KMT2A: variants seen among roughly 807,000 people sequenced by gnomAD.
KMT2A encodes the protein lysine methyltransferase 2A.
A neutral mutation model predicts 345.3 loss-of-function variants in KMT2A; 16 were observed. That is an observed-to-expected ratio of 0.05 (90% confidence interval 0.03 to 0.07). The LOEUF is 0.07. Ranked by LOEUF, KMT2A falls within the 10% of genes least tolerant of loss-of-function variation. The probability of loss-of-function intolerance (pLI) is 1.00; values close to 1 mark genes in which losing one functional copy is unlikely to be tolerated. For synonymous variants in KMT2A, 1,599 were observed against 1,778.6 expected, an observed-to-expected ratio of 0.90 and a Z score of 2.54; for missense variants, 3,272 against 4,841.6, an observed-to-expected ratio of 0.68 and a Z score of 9.62.
intron 1 of KMT2A, among the ~76,000 whole-genome samples, chr11:118,465,446 C>T (rs1949826216): frequency 6.6e-6 from 1 of 152,088 alleles, no homozygotes; most frequent in Non-Finnish European, 1.5e-5. Context: ...TCTTTTAATT[C>T]CATTTTCCAT....
At chr11:118,465,983 T>C (rs945672640) in intron 1 of KMT2A, among the ~76,000 whole-genome samples, 6 of 152,290 alleles carry the variant, frequency 3.9e-5, no homozygotes, top group Non-Finnish European at 5.9e-5. Context: ...AGAAATTTAT[T>C]TGGGGTTCAG....
rs2134395861 is a variant in KMT2A, at chr11:118,503,893, G to A, written c.8001G>A (p.Gln2667=). ...GAGGCAAGAGATCAGCTGAAGGACAGGTGGATGGGGCCGATGACTTAAGCA... is the reference window on the plus strand; with the variant it reads ...GAGGCAAGAGATCAGCTGAAGGACAAGTGGATGGGGCCGATGACTTAAGCA... The part of the protein sequence containing the change: ...KKRGKRSAEG[Q]VDGADDLSTS... Residue 2667 remains glutamine, a synonymous_variant, in exon 27 of 36, where the codon CAG becomes CAA. Transcript: ENST00000534358. This position sits in a 1 kb window ranked among gnomAD's most constrained non-coding sequence, Gnocchi z 5.3. 1 of 1,614,224 alleles carries A rather than the reference G, an allele frequency of 6.2e-7. No homozygotes were observed. Among genetic ancestry groups the A allele is most frequent in the Non-Finnish European group, 8.5e-7 (1 of 1,180,044 alleles).
chr11:118,471,935 C>A lies in KMT2A; in HGVS notation c.776C>A (p.Thr259Lys). The change falls in exon 3 of 36, where the codon ACA (threonine) becomes AAA (lysine). Residue 259 changes from threonine (T) to lysine (K), a missense_variant. By Grantham distance (78) the Thr-to-Lys change is moderately conservative. Transcript: ENST00000534358. ...KEDSLKKIKR[T>K]PSATFQQATK... The stretch of plus-strand genomic sequence containing the variant: ...GATAGCCTGAAAAAAATTAAAAGGA[C>A]ACCTTCTGCTACGTTTCAGCAAGCC... 2 of 1,614,092 alleles carry A rather than the reference C, an allele frequency of 1.2e-6. No individual in the cohort carries two copies. Among genetic ancestry groups the A allele is most frequent in the South Asian group, 2.2e-5 (2 of 91,058 alleles).
At chr11:118,458,334 C>A in intron 1 of KMT2A, 1 of 180,868 alleles carries the variant, frequency 5.5e-6, no homozygotes, top group Non-Finnish European at 1.2e-5. Flanking sequence ...AGCCATCCTC[C>A]CTCCTCGGCC....
chr11:118,505,879 C>T lies in KMT2A; in HGVS notation c.9987C>T (p.Leu3329=), dbSNP rs2134409217. The change falls in exon 27 of 36, where the codon CTC becomes CTT. Residue 3329 remains leucine, a synonymous_variant. Coordinates refer to ENST00000534358, the MANE Select transcript of KMT2A (RefSeq NM_001197104.2). The surrounding 1 kb of genome is among the most constrained non-coding windows in gnomAD (Gnocchi z 4.6). The part of the protein sequence containing the change: ...TSTISQDTSH[L]TSGSVSGLAS... ...CAATAAGCCAGGATACTAGCCACCT[C>T]ACATCAGGGTCTGTGTCTGGCTTGG... The T allele has an allele frequency of 6.2e-7, 1 of 1,614,208 alleles. No individual in the cohort carries two copies. Among genetic ancestry groups the T allele is most frequent in the East Asian group, 2.2e-5 (1 of 44,876 alleles).
chr11:118,437,286 C>T (rs1949209206), intron 1 of KMT2A, among the ~76,000 whole-genome samples: 1 of 151,772 alleles, frequency 6.6e-6, no homozygotes, highest in South Asian at 2.1e-4. Context: ...AGCAAGATTC[C>T]TCCCTCCCTC....
At position 118,472,642 on chromosome 11, in the gene KMT2A, G is replaced by A. The variant is rs377688685; in HGVS notation, c.1483G>A (p.Glu495Lys). Residue 495 changes from glutamate to lysine, a missense_variant, in exon 3 of 36, where the codon GAG (glutamate) becomes AAG (lysine). Transcript: ENST00000534358. Reference protein sequence around the residue: ...DTSTDSQASEEIQVLPEERSD... With the variant: ...DTSTDSQASEKIQVLPEERSD... ...CTCCACAGACTCTCAGGCTTCTGAG[G>A]AGATTCAGGTACTTCCTGAGGAGCG... 4 of 1,612,612 alleles carry A rather than the reference G, an allele frequency of 2.5e-6. No homozygotes were observed. The highest frequency in any genetic ancestry group is 3.4e-6 in the Non-Finnish European group (4 of 1,179,832).
chr11:118,484,222 A>G lies in KMT2A; in HGVS notation c.4126A>G (p.Thr1376Ala). The change falls in exon 9 of 36, where the codon ACT becomes GCT. Residue 1376 changes from threonine (T) to alanine (A), a missense_variant. By Grantham distance (58) the Thr-to-Ala change is moderately conservative. Around this residue, in one of 27 missense-constraint regions of KMT2A, gnomAD observed 168 missense variants for 216.0 expected, o/e 0.78. Transcript: ENST00000534358. The surrounding 1 kb of genome is among the most constrained non-coding windows in gnomAD (Gnocchi z 4.1). Reference protein sequence around the residue: ...PPVNKQENAGTLNILSTLSNG... With the variant: ...PPVNKQENAGALNILSTLSNG... Reference sequence around the variant, plus strand: ...GGTCAATAAGCAGGAGAATGCAGGCACTTTGAACATCCTCAGCACTCTCTC... The same window carrying G: ...GGTCAATAAGCAGGAGAATGCAGGCGCTTTGAACATCCTCAGCACTCTCTC... 1 of 1,614,200 alleles carries G rather than the reference A, an allele frequency of 6.2e-7. No individual in the cohort carries two copies. The highest frequency in any genetic ancestry group is 8.5e-7 in the Non-Finnish European group (1 of 1,180,018).
rs782665812 is a variant in KMT2A at position 118,498,112 on chromosome 11, T to C, written c.5802+39T>C. 6.2e-7 allele frequency: 1 copy of C among 1,604,526 alleles called. No homozygotes were observed. Among genetic ancestry groups the C allele is most frequent in the Non-Finnish European group, 8.5e-7 (1 of 1,172,966 alleles). On this transcript the variant is annotated intron_variant, in intron 21 of 35. Coordinates refer to ENST00000534358, the MANE Select transcript of KMT2A (RefSeq NM_001197104.2). The surrounding 1 kb of genome is among the most constrained non-coding windows in gnomAD (Gnocchi z 4.4). ...GGTAAATTTTATGAAAGAGATTCCC[T>C]CTCAGTTTCCAGATATTCTTCCTGT...
intron 3 of KMT2A, 88 bp downstream of exon 3, chr11:118,474,403 C>T (rs1259479454): frequency 9.6e-6 from 14 of 1,458,078 alleles, no homozygotes; most frequent in Non-Finnish European, 1.2e-5. Context: ...TCAATTACAT[C>T]CAGTTATGAG....
Position 118,502,834 on chromosome 11 carries a change from G to A in KMT2A, c.6942G>A (p.Leu2314=), listed in dbSNP as rs1555046264. 5.6e-6 allele frequency: 9 copies of A among 1,614,198 alleles called. No individual in the cohort carries two copies. The Admixed American group carries it at 1.0e-4, about 18-fold the overall frequency. ...TAAAGGGAGAGAAGACCAAAGTGCT[G>A]AGTTCCAAGAGCTCAGAGGGATCTG... is the stretch of plus-strand genomic sequence containing the variant. ...SSLKGEKTKV[L]SSKSSEGSAH... is the part of the protein sequence containing the mutation. The change falls in exon 27 of 36, where the codon CTG becomes CTA. Residue 2314 remains leucine, a synonymous_variant. Transcript: ENST00000534358. This position sits in a 1 kb window ranked among gnomAD's most constrained non-coding sequence, Gnocchi z 4.9.
chr11:118,482,836 A>C (rs1275326636), intron 8 of KMT2A, among the ~76,000 whole-genome samples: 1 of 151,644 alleles, frequency 6.6e-6, no homozygotes, highest in African/African-American at 2.4e-5. Flanking sequence ...GGAGGCTGAG[A>C]TAGAAGGATT....
At chr11:118,437,083 C>A in intron 1 of KMT2A, 139 bp downstream of exon 1, 1 of 1,043,600 alleles carries the variant, frequency 9.6e-7, no homozygotes, top group Non-Finnish European at 1.3e-6. Context: ...GCTCTCCCAT[C>A]TTGGGACCCC....
chr11:118,519,353 A>G (rs1555052705), intron 31 of KMT2A: 1 of 384,174 alleles, frequency 2.6e-6, no homozygotes, highest in African/African-American at 2.0e-5. Flanking sequence ...AGCATATAGC[A>G]TTTCTGTGTA....
chr11:118,484,256 A>G lies in KMT2A; in HGVS notation c.4160A>G (p.Asn1387Ser), dbSNP rs782120345. Residue 1387 changes from asparagine (N) to serine (S), a missense_variant, in exon 9 of 36, where the codon AAT (asparagine) becomes AGT (serine). Transcript: ENST00000534358. The surrounding 1 kb of genome is among the most constrained non-coding windows in gnomAD (Gnocchi z 4.1). ...LNILSTLSNG[N>S]SSKQKIPADG... ...ATCCTCAGCACTCTCTCCAATGGCA[A>G]TAGTTCTAAGCAAAAAATTCCAGCA... The G allele has an allele frequency of 6.2e-6, 10 of 1,614,182 alleles. No homozygotes were observed. Among genetic ancestry groups the G allele is most frequent in the South Asian group, 3.3e-5 (3 of 91,086 alleles).
chr11:118,449,969 A>C (rs1004819278), intron 1 of KMT2A: 2 of 151,776 alleles, frequency 1.3e-5, no homozygotes, highest in Admixed American at 6.5e-5. Flanking sequence ...ATTTCTTATA[A>C]TAAAAAGAAC....
At position 118,472,048 on chromosome 11, in the gene KMT2A, G is replaced by T. The variant is rs1490857925; in HGVS notation, c.889G>T (p.Val297Leu). 2 of 1,613,486 alleles carry T rather than the reference G, an allele frequency of 1.2e-6. No homozygotes were observed. The highest frequency in any genetic ancestry group is 1.7e-5 in the Admixed American group (1 of 59,850). The change falls in exon 3 of 36, where the codon GTA becomes TTA. Residue 297 changes from valine (V) to leucine (L), a missense_variant. By Grantham distance (32) the Val-to-Leu change is conservative. This residue lies in a region of KMT2A where 412 missense variants were observed against 511.0 expected (regional missense o/e 0.81). Transcript: ENST00000534358. Reference protein sequence around the residue: ...TGKLQIGRKGVQIVRRRGRPP... With the variant: ...TGKLQIGRKGLQIVRRRGRPP... Reference sequence around the variant, plus strand: ...GAAGCTTCAAATAGGAAGGAAGGGGGTACAAATTGTACGACGGAGAGGAAG... The same window carrying T: ...GAAGCTTCAAATAGGAAGGAAGGGGTTACAAATTGTACGACGGAGAGGAAG...
intron 1 of KMT2A, among the ~76,000 whole-genome samples, chr11:118,445,206 C>T (rs143424644): frequency 1.4e-4 from 22 of 152,152 alleles, no homozygotes; most frequent in African/African-American, 5.1e-4. Flanking sequence ...TAGGTGGAAC[C>T]AAATTGAAGG....
intron 24 of KMT2A, 173 bp from the exon 25 acceptor site, chr11:118,500,813 CA>C (rs1950488726): frequency 4.7e-6 from 2 of 424,368 alleles, no homozygotes; most frequent in South Asian, 9.1e-5. Context: ...CCAAGGACTT[CA>C]AAAAGCTTGG....
Sources: gnomAD v4.1 joint callset for allele counts (sites outside exome capture counted in the v4.1 genomes callset) on GRCh38, gnomAD v4.1.1 for gene constraint, gnomAD v4.1.1 regional missense constraint, Gnocchi (gnomAD v3.1) non-coding constraint, MANE v1.5 for transcripts, NCBI Gene and HGNC (gene_info 2026-07-23, HGNC 2026-07-21) for gene names.